FHIT: variants seen among roughly 807,000 people sequenced by gnomAD.
The protein encoded by FHIT is bis(5'-adenosyl)-triphosphatase.
A neutral mutation model predicts 17.9 loss-of-function variants in FHIT; 19 were observed. The ratio of observed to expected loss-of-function variants is 1.06; its 90% confidence interval spans 0.74 to 1.56. The LOEUF (loss-of-function observed/expected upper bound fraction) is 1.56. Among genes scored for constraint, FHIT ranks in the 40% most tolerant of loss-of-function variants. FHIT has a pLI of 0.00. For missense variants in FHIT, 248 were observed against 189.2 expected, an observed-to-expected ratio of 1.31 and a Z score of -1.82; for synonymous variants, 81 against 69.7, an observed-to-expected ratio of 1.16 and a Z score of -0.81.
intron 5 of FHIT, among the ~76,000 whole-genome samples, chr3:60,234,176 C>T (rs115840157): frequency 6.6e-6 from 1 of 152,130 alleles, no homozygotes; most frequent in South Asian, 2.1e-4. Context: ...TCCTTTAAAT[C>T]AGACCAGACA....
chr3:60,560,422 G>T (rs774950833), intron 4 of FHIT, among the ~76,000 whole-genome samples: 1 of 152,088 alleles, frequency 6.6e-6, no homozygotes, highest in African/African-American at 2.4e-5. Context: ...TAAGCAGCCA[G>T]GTGGTAGGCA....
intron 8 of FHIT, among the ~76,000 whole-genome samples, chr3:59,756,600 A>T (rs772635770): frequency 6.6e-6 from 1 of 152,178 alleles, no homozygotes; most frequent in Non-Finnish European, 1.5e-5. Context: ...TACAAAGTTA[A>T]CTGGGATTCT....
intron 2 of FHIT, among the ~76,000 whole-genome samples, chr3:61,178,308 C>A (rs759693405): frequency 9.9e-5 from 15 of 151,888 alleles, no homozygotes; most frequent in Non-Finnish European, 1.9e-4. Flanking sequence ...GGAGGCTTAT[C>A]AAGGCTAAAG....
At position 60,471,772 on chromosome 3, in the gene FHIT, T is replaced by C. The variant is rs1291903392; in HGVS notation, c.103+65088A>G. ...CTGCCGGGGAACAACCACTGCAGGC[T>C]TCAATTTGGCCATCTTGCTCTGTCT... is the stretch of plus-strand genomic sequence containing the variant. On this transcript the variant is annotated intron_variant, in intron 5 of 9. Transcript: ENST00000492590. 2.6e-5 allele frequency among the ~76,000 whole-genome samples: 4 copies of C among 152,132 alleles called. No homozygotes were observed. In the East Asian group the frequency reaches 7.7e-4, roughly 29 times the overall value.
In FHIT at chr3:61,012,821, T is replaced by A. The variant is rs866337547; in HGVS notation, c.-111+29226A>T. 8.3e-4 allele frequency among the ~76,000 whole-genome samples: 126 copies of A among 151,920 alleles called. 1 individual carries two copies. In the Middle Eastern group the frequency reaches 0.017, roughly 21 times the overall value. On this transcript the variant is annotated intron_variant, in intron 3 of 9. Coordinates refer to ENST00000492590, the MANE Select transcript of FHIT (RefSeq NM_002012.4). The stretch of plus-strand genomic sequence containing the variant: ...AGAGGATTATAAATTCAAAATTTTT[T>A]TAAAAAATTTAATGTTCTGAGACTA...
At chr3:59,827,459 T>C (rs1427907066) in intron 8 of FHIT, among the ~76,000 whole-genome samples, 3 of 152,228 alleles carry the variant, frequency 2.0e-5, no homozygotes, top group Non-Finnish European at 4.4e-5. Context: ...TAACATGACA[T>C]CAATTGTCAT....
Position 60,338,964 on chromosome 3 carries a change from G to A in FHIT, c.103+197896C>T, listed in dbSNP as rs1710377883. The stretch of plus-strand genomic sequence containing the variant: ...CTTAACCCTGAAATAGACATAACAA[G>A]GCCTCCTTTACAGACTTAGTGTAAA... On this transcript the variant is annotated intron_variant, in intron 5 of 9. Coordinates refer to ENST00000492590, the MANE Select transcript of FHIT (RefSeq NM_002012.4). 4.6e-5 allele frequency among the ~76,000 whole-genome samples: 7 copies of A among 152,156 alleles called. No homozygotes were observed. In the South Asian group the frequency reaches 1.5e-3, roughly 32 times the overall value.
At chr3:60,607,863 T>A (rs1350643820) in intron 4 of FHIT, among the ~76,000 whole-genome samples, 1 of 152,162 alleles carries the variant, frequency 6.6e-6, no homozygotes, top group Non-Finnish European at 1.5e-5. Context: ...CTTGGCTTGC[T>A]GTGAAAATCA....
At chr3:60,627,859 T>TC (rs1343018851) in intron 4 of FHIT, among the ~76,000 whole-genome samples, 1 of 152,192 alleles carries the variant, frequency 6.6e-6, no homozygotes, top group Non-Finnish European at 1.5e-5. Flanking sequence ...ATAATTTGAG[T>TC]CTTCTTTCTT....
intron 5 of FHIT, among the ~76,000 whole-genome samples, chr3:60,037,867 C>T (rs886332719): frequency 3.9e-5 from 6 of 151,972 alleles, no homozygotes; most frequent in Admixed American, 3.3e-4. Flanking sequence ...GTGCATACTG[C>T]CATGCCCGGC....
At chr3:60,515,411 T>A (rs1559505411) in intron 5 of FHIT, among the ~76,000 whole-genome samples, 1 of 152,264 alleles carries the variant, frequency 6.6e-6, no homozygotes, top group East Asian at 1.9e-4. Context: ...GAAGGAGGAA[T>A]GACACCATTA....
At chr3:60,164,500 A>T (rs1369506284) in intron 5 of FHIT, among the ~76,000 whole-genome samples, 1 of 152,204 alleles carries the variant, frequency 6.6e-6, no homozygotes, top group Non-Finnish European at 1.5e-5. Flanking sequence ...ACCTCAACTG[A>T]CAAGTTTATT....
chr3:60,921,379 A>G (rs1308197838), intron 3 of FHIT, among the ~76,000 whole-genome samples: 1 of 152,212 alleles, frequency 6.6e-6, no homozygotes, highest in African/African-American at 2.4e-5. Context: ...GGCTGGGTTG[A>G]TTATCAAGAG....
chr3:60,042,112 C>G (rs897130438), intron 5 of FHIT, among the ~76,000 whole-genome samples: 2 of 152,188 alleles, frequency 1.3e-5, no homozygotes, highest in Non-Finnish European at 2.9e-5. Context: ...AAAAACGCAT[C>G]TCTTGCAGAT....
intron 8 of FHIT, among the ~76,000 whole-genome samples, chr3:59,806,511 A>C (rs1700202196): frequency 6.6e-6 from 1 of 152,154 alleles, no homozygotes; most frequent in South Asian, 2.1e-4. Context: ...CTAGATCCCC[A>C]GCGGCAATTC....
intron 4 of FHIT, among the ~76,000 whole-genome samples, chr3:60,560,837 AC>A (rs2036913410): frequency 7.3e-6 from 1 of 137,818 alleles, no homozygotes; most frequent in African/African-American, 2.8e-5. Context: ...ACACACACAC[AC>A]ACACACAGAG....
At chr3:60,295,656 A>G (rs1175540883) in intron 5 of FHIT, among the ~76,000 whole-genome samples, 1 of 152,094 alleles carries the variant, frequency 6.6e-6, no homozygotes, top group Non-Finnish European at 1.5e-5. Context: ...TGACGTGAGG[A>G]TTGGAGGCTA....
intron 2 of FHIT, among the ~76,000 whole-genome samples, chr3:61,195,915 A>C (rs1034711496): frequency 7.2e-5 from 11 of 152,242 alleles, no homozygotes; most frequent in Non-Finnish European, 7.3e-5. Flanking sequence ...AAAAGCACAT[A>C]TTAATTCCAA....
intron 7 of FHIT, among the ~76,000 whole-genome samples, chr3:59,965,583 C>T (rs750123544): frequency 1.3e-5 from 2 of 152,114 alleles, no homozygotes; most frequent in Non-Finnish European, 2.9e-5. Context: ...GATCAACTTC[C>T]TTCCATCCTC....
Sources: allele counts gnomAD v4.1 joint callset (sites outside exome capture counted in the v4.1 genomes callset), GRCh38; gene constraint gnomAD v4.1.1; transcripts MANE v1.5; gene names NCBI Gene and HGNC (gene_info 2026-07-23, HGNC 2026-07-21).